Variants in METAP1D observed in about 807,000 individuals in gnomAD.
METAP1D encodes methionyl aminopeptidase type 1D, mitochondrial.
A neutral mutation model predicts 40.5 loss-of-function variants in METAP1D; 31 were observed. That is an observed-to-expected ratio of 0.77 (90% CI 0.58 to 1.03). The LOEUF is 1.03. Among genes scored for constraint, METAP1D ranks in the 50% least tolerant of loss-of-function variants. The pLI is 0.00. For synonymous variants in METAP1D, 151 were observed against 146.4 expected, an observed-to-expected ratio of 1.03 and a Z score of -0.22; for missense variants, 411 against 420.7, an observed-to-expected ratio of 0.98 and a Z score of 0.20.
At chr2:172,077,510 G>A (rs1008477517) in intron 6 of METAP1D, among the ~76,000 whole-genome samples, 1 of 152,162 alleles carries the variant, frequency 6.6e-6, no homozygotes, top group African/African-American at 2.4e-5. Context: ...CTCACTTGTT[G>A]TCTAAAAGTG....
intron 1 of METAP1D, among the ~76,000 whole-genome samples, chr2:172,037,361 A>G (rs1420412972): frequency 6.6e-6 from 1 of 151,968 alleles, no homozygotes; most frequent in Non-Finnish European, 1.5e-5. Flanking sequence ...ATCGATATCT[A>G]CTTGCTAAAT....
chr2:172,079,746 A>C (rs964445468), intron 8 of METAP1D, among the ~76,000 whole-genome samples: 10 of 152,230 alleles, frequency 6.6e-5, no homozygotes, highest in African/African-American at 9.6e-5. Flanking sequence ...TTTGCTGATG[A>C]ATGAACATCT....
intron 1 of METAP1D, among the ~76,000 whole-genome samples, chr2:172,023,308 G>A (rs1170901526): frequency 6.6e-6 from 1 of 152,206 alleles, no homozygotes; most frequent in African/African-American, 2.4e-5. Flanking sequence ...CATTTAAACT[G>A]TTCAGTGACT....
intron 1 of METAP1D, among the ~76,000 whole-genome samples, chr2:172,033,767 A>G (rs1295736959): frequency 2.0e-5 from 3 of 151,748 alleles, no homozygotes; most frequent in Admixed American, 6.6e-5. Flanking sequence ...ATAATATTAT[A>G]TTATTAAACC....
rs866453880 is a variant in METAP1D, at chr2:172,010,148, T to G, written c.40+10139T>G. On this transcript the variant is annotated intron_variant, in intron 1 of 9. Coordinates refer to ENST00000315796, the MANE Select transcript of METAP1D (RefSeq NM_199227.3). ...GAGGGGTTTTTTGTCCCTTCTTTTT[T>G]TTTTTTTTTTGAGACAGGGTCTCAC... is the stretch of plus-strand genomic sequence containing the variant. 1.1e-4 allele frequency among the ~76,000 whole-genome samples: 17 copies of G among 151,396 alleles called. 1 individual carries two copies. In the Middle Eastern group the frequency reaches 0.02, roughly 182 times the overall value.
chr2:172,044,226 A>C (rs1689679827), intron 1 of METAP1D, among the ~76,000 whole-genome samples: 1 of 133,212 alleles, frequency 7.5e-6, no homozygotes, highest in Non-Finnish European at 1.7e-5. Flanking sequence ...ACAGTGTAGT[A>C]CACACATTTA....
intron 1 of METAP1D, among the ~76,000 whole-genome samples, chr2:172,026,207 G>C (rs904912035): frequency 6.6e-6 from 1 of 152,112 alleles, no homozygotes; most frequent in Non-Finnish European, 1.5e-5. Flanking sequence ...ATGAAACCAG[G>C]TCATTTGTTC....
chr2:172,058,306 A>T (rs2105469475), intron 1 of METAP1D, among the ~76,000 whole-genome samples: 1 of 152,282 alleles, frequency 6.6e-6, no homozygotes, highest in African/African-American at 2.4e-5. Flanking sequence ...ACACTTTCAC[A>T]TTTCTTATTT....
intron 1 of METAP1D, among the ~76,000 whole-genome samples, chr2:172,056,640 C>T (rs1375746344): frequency 6.6e-6 from 1 of 152,084 alleles, no homozygotes; most frequent in Admixed American, 6.6e-5. Flanking sequence ...TTAGAGACCC[C>T]ACAGGTAAAC....
intron 1 of METAP1D, among the ~76,000 whole-genome samples, chr2:172,017,499 A>G (rs975024429): frequency 6.6e-6 from 1 of 151,980 alleles, no homozygotes; most frequent in Non-Finnish European, 1.5e-5. Flanking sequence ...CCTCAGGGTA[A>G]GGACTGTGCT....
intron 5 of METAP1D, among the ~76,000 whole-genome samples, chr2:172,069,073 C>A (rs575259087): frequency 3.3e-5 from 5 of 152,150 alleles, no homozygotes; most frequent in African/African-American, 9.6e-5. Flanking sequence ...CGTGTGCCAC[C>A]ACACCTGGTT....
At chr2:172,000,096 T>C (rs1024028628) in intron 1 of METAP1D, 87 bp downstream of exon 1, 6 of 1,175,250 alleles carry the variant, frequency 5.1e-6, no homozygotes, top group East Asian at 3.2e-5. Context: ...GCACCCGCGC[T>C]CAGACTTCTC....
intron 3 of METAP1D, 61 bp from the exon 4 acceptor site, chr2:172,065,543 T>C: frequency 6.4e-7 from 1 of 1,560,846 alleles, no homozygotes; most frequent in Non-Finnish European, 8.8e-7. Flanking sequence ...TATAGCATAG[T>C]TGATAAATAC....
intron 1 of METAP1D, among the ~76,000 whole-genome samples, chr2:172,040,675 C>G (rs1471011081): frequency 6.7e-6 from 1 of 149,738 alleles, no homozygotes; most frequent in Non-Finnish European, 1.5e-5. Context: ...TTTTTGATCT[C>G]TTTTACTGTT....
At chr2:172,072,135 T>G (rs1690435076) in intron 6 of METAP1D, among the ~76,000 whole-genome samples, 1 of 152,212 alleles carries the variant, frequency 6.6e-6, no homozygotes, top group South Asian at 2.1e-4. Context: ...CTCTGTTCTT[T>G]CATAGGAAAT....
At position 172,077,816 on chromosome 2, in the gene METAP1D, G is replaced by A. The variant is rs1401666785; in HGVS notation, c.724G>A (p.Gly242Ser). The A allele has an allele frequency of 9.3e-6, 15 of 1,606,298 alleles. No homozygotes were observed. Among genetic ancestry groups the A allele is most frequent in the Non-Finnish European group, 1.3e-5 (15 of 1,174,696 alleles). The part of the protein sequence containing the change: ...NTISHITHQN[G>S]FQVCPHFVGH... Reference sequence around the variant, plus strand: ...TTAAAGCCACATAACTCATCAGAATGGTTTTCAAGTCTGTCCACATTTTGT... The same window carrying A: ...TTAAAGCCACATAACTCATCAGAATAGTTTTCAAGTCTGTCCACATTTTGT... The change falls in exon 7 of 10, where the codon GGT (glycine) becomes AGT (serine). Residue 242 changes from glycine (G) to serine (S), a missense_variant. Physicochemically the swap from Gly to Ser is moderately conservative, Grantham distance 56. Transcript: ENST00000315796.
At chr2:172,049,787 G>A (rs191146184) in intron 1 of METAP1D, among the ~76,000 whole-genome samples, 76 of 152,244 alleles carry the variant, frequency 5.0e-4, no homozygotes, top group African/African-American at 1.7e-3. Context: ...AACTGCAGAA[G>A]CTTGGAAATA....
chr2:172,005,931 A>G (rs1161119741), intron 1 of METAP1D, among the ~76,000 whole-genome samples: 1 of 152,116 alleles, frequency 6.6e-6, no homozygotes, highest in East Asian at 1.9e-4. Flanking sequence ...TTCAATGTAT[A>G]CTACAGGGCA....
At chr2:172,032,971 A>G (rs2105416116) in intron 1 of METAP1D, among the ~76,000 whole-genome samples, 1 of 152,248 alleles carries the variant, frequency 6.6e-6, no homozygotes, top group South Asian at 2.1e-4. Flanking sequence ...AGGCAGGAGA[A>G]TGGCGTGAAC....
Sources: allele counts gnomAD v4.1 joint callset (sites outside exome capture counted in the v4.1 genomes callset), GRCh38; gene constraint gnomAD v4.1.1; transcripts MANE v1.5; gene names NCBI Gene and HGNC (gene_info 2026-07-23, HGNC 2026-07-21).